PCDH9: variants seen among roughly 807,000 people sequenced by gnomAD.
PCDH9 encodes protocadherin 9.
Under a neutral mutation model 70.6 loss-of-function variants are expected in PCDH9, and 24 were observed. The ratio of observed to expected loss-of-function variants is 0.34; its 90% CI spans 0.25 to 0.48. The LOEUF (loss-of-function observed/expected upper bound fraction) is 0.48. Ranked by LOEUF, PCDH9 falls within the 20% of genes least tolerant of loss-of-function variation. The pLI is 0.99. For missense variants in PCDH9, 1,281 were observed against 1,503.6 expected (o/e 0.85, Z 2.45); for synonymous variants, 562 against 558.5 (o/e 1.01, Z -0.09).
chr13:66,363,547 T>A (rs1363620599), intron 4 of PCDH9, among the ~76,000 whole-genome samples: 1 of 152,144 alleles, frequency 6.6e-6, no homozygotes, highest in African/African-American at 2.4e-5. Context: ...ACAAAAGGCA[T>A]ACACACAACG....
At chr13:66,791,068 A>G (rs1030444472) in intron 3 of PCDH9, among the ~76,000 whole-genome samples, 8 of 152,134 alleles carry the variant, frequency 5.3e-5, no homozygotes, top group African/African-American at 1.9e-4. Flanking sequence ...GTGTGAGGTT[A>G]GCTATCATCC....
intron 4 of PCDH9, among the ~76,000 whole-genome samples, chr13:66,332,620 CAT>C (rs1955963485): frequency 6.6e-6 from 1 of 151,946 alleles, no homozygotes; most frequent in African/African-American, 2.4e-5. Context: ...GGGAGATACT[CAT>C]GTGCTCTAAA....
intron 2 of PCDH9, among the ~76,000 whole-genome samples, chr13:67,032,745 A>T (rs2084931993): frequency 6.6e-6 from 1 of 152,178 alleles, no homozygotes; most frequent in African/African-American, 2.4e-5. Context: ...CATAGCACAG[A>T]ATTGAAGAAG....
intron 2 of PCDH9, among the ~76,000 whole-genome samples, chr13:67,039,316 C>G (rs1446948771): frequency 6.6e-6 from 1 of 152,140 alleles, no homozygotes; most frequent in Non-Finnish European, 1.5e-5. Flanking sequence ...GACCAAGGAG[C>G]AAGGACTGTA....
chr13:66,628,199 C>T lies in PCDH9; in HGVS notation c.3340+3011G>A, dbSNP rs2077523787. Among the ~76,000 whole-genome samples the T allele has an allele frequency of 2.6e-5, 4 of 152,316 alleles. No individual in the cohort carries two copies. The South Asian group carries it at 6.2e-4, about 24-fold the overall frequency. On this transcript the variant is annotated intron_variant, in intron 4 of 4. Coordinates refer to ENST00000377865, the MANE Select transcript of PCDH9 (RefSeq NM_203487.3). ...TCTAGATGAACTTACCAACCATCAA[C>T]AACCTGCTACTTTTATCTCATTCAT...
chr13:66,375,472 T>G (rs1566278792), intron 4 of PCDH9, among the ~76,000 whole-genome samples: 1 of 152,140 alleles, frequency 6.6e-6, no homozygotes, highest in South Asian at 2.1e-4. Flanking sequence ...TCTCAATCAT[T>G]ATAGGTAATA....
chr13:66,700,947 T>A (rs1020480243), intron 3 of PCDH9, among the ~76,000 whole-genome samples: 3 of 133,308 alleles, frequency 2.3e-5, no homozygotes, highest in African/African-American at 8.5e-5. Flanking sequence ...TATATATATA[T>A]ATATATATAT....
At chr13:66,802,298 TATA>T (rs2080339439) in intron 3 of PCDH9, among the ~76,000 whole-genome samples, 1 of 152,062 alleles carries the variant, frequency 6.6e-6, no homozygotes. Context: ...GCCTCTGCAA[TATA>T]ATATGTTGTG....
intron 4 of PCDH9, among the ~76,000 whole-genome samples, chr13:66,494,063 G>A (rs1247939000): frequency 6.6e-6 from 1 of 152,006 alleles, no homozygotes; most frequent in African/African-American, 2.4e-5. Context: ...TATCAATGGG[G>A]AAATAAATTG....
intron 3 of PCDH9, among the ~76,000 whole-genome samples, chr13:66,661,479 G>A (rs4884684): frequency 0.57 from 86,427 of 152,002 alleles, 24,901 homozygotes; most frequent in African/African-American, 0.65. Context: ...GCGGCTTCAG[G>A]ATCATTTACT....
chr13:66,460,085 TA>T (rs111385315), intron 4 of PCDH9, among the ~76,000 whole-genome samples: 1 of 151,904 alleles, frequency 6.6e-6, no homozygotes, highest in Non-Finnish European at 1.5e-5. Flanking sequence ...TTATACCACT[TA>T]AATTTTACAT....
chr13:66,946,238 A>T (rs2083085802), intron 2 of PCDH9, among the ~76,000 whole-genome samples: 2 of 152,320 alleles, frequency 1.3e-5, no homozygotes, highest in Admixed American at 6.5e-5. Flanking sequence ...GAATATGATT[A>T]GTGTGTTGAG....
chr13:66,841,043 CAGCTTAAATAAA>C (rs1374849359), intron 3 of PCDH9, among the ~76,000 whole-genome samples: 4 of 152,032 alleles, frequency 2.6e-5, no homozygotes, highest in Non-Finnish European at 4.4e-5. Flanking sequence ...GCCTCATGAG[CAGCTTAAATAAA>C]AACTGTAGCA....
intron 4 of PCDH9, among the ~76,000 whole-genome samples, chr13:66,481,539 T>C (rs916765073): frequency 6.6e-6 from 1 of 152,210 alleles, no homozygotes; most frequent in Non-Finnish European, 1.5e-5. Flanking sequence ...AGTGTAAACA[T>C]AACTTTTATA....
chr13:67,164,858 C>A (rs1290856132), intron 2 of PCDH9, among the ~76,000 whole-genome samples: 1 of 152,136 alleles, frequency 6.6e-6, no homozygotes, highest in East Asian at 1.9e-4. Flanking sequence ...CCTCCTCTTG[C>A]CCCTACCCAA....
chr13:67,163,463 G>A (rs2088019038), intron 2 of PCDH9, among the ~76,000 whole-genome samples: 1 of 152,132 alleles, frequency 6.6e-6, no homozygotes, highest in Non-Finnish European at 1.5e-5. Context: ...TTGGTTCTCT[G>A]TCATTACATT....
At chr13:66,353,215 A>G (rs1274959032) in intron 4 of PCDH9, among the ~76,000 whole-genome samples, 1 of 152,188 alleles carries the variant, frequency 6.6e-6, no homozygotes, top group Non-Finnish European at 1.5e-5. Context: ...GTAGAAAGCA[A>G]GTGGTCCTCA....
chr13:66,872,384 A>G (rs2081709719), intron 3 of PCDH9, among the ~76,000 whole-genome samples: 1 of 152,144 alleles, frequency 6.6e-6, no homozygotes, highest in African/African-American at 2.4e-5. Flanking sequence ...TTGATGGATA[A>G]AGTTGAAATA....
chr13:66,795,224 G>C (rs2080223375), intron 3 of PCDH9, among the ~76,000 whole-genome samples: 1 of 151,986 alleles, frequency 6.6e-6, no homozygotes. Flanking sequence ...ATACTGACTG[G>C]ATCAGCATCC....
Sources: gnomAD v4.1 joint callset for allele counts (sites outside exome capture counted in the v4.1 genomes callset) on GRCh38, gnomAD v4.1.1 for gene constraint, MANE v1.5 for transcripts, NCBI Gene and HGNC (gene_info 2026-07-23, HGNC 2026-07-21) for gene names.